KALRN: variants seen among roughly 807,000 people sequenced by gnomAD.
KALRN encodes the protein kalirin RhoGEF kinase.
KALRN carries 70 observed loss-of-function variants against 353.7 expected under a neutral mutation model. The observed-to-expected ratio is 0.20, with a 90% CI of 0.16 to 0.24. The LOEUF is 0.24. KALRN is among the 10% of genes least tolerant of loss of function. The probability of loss-of-function intolerance (pLI) is 1.00; values close to 1 mark genes in which losing one functional copy is unlikely to be tolerated. For synonymous variants in KALRN, 1,391 were observed against 1,434.8 expected, an observed-to-expected ratio of 0.97 and a Z score of 0.69; for missense variants, 2,791 against 3,756.7, an observed-to-expected ratio of 0.74 and a Z score of 6.72.
chr3:124,299,726 C>A (rs1187281168), intron 6 of KALRN, among the ~76,000 whole-genome samples: 1 of 152,176 alleles, frequency 6.6e-6, no homozygotes, highest in Non-Finnish European at 1.5e-5. Flanking sequence ...CATAGTAAGT[C>A]ATCAGTAAAT....
At chr3:124,645,543 A>G (rs576568674) in intron 37 of KALRN, among the ~76,000 whole-genome samples, 61 of 152,324 alleles carry the variant, frequency 4.0e-4, no homozygotes, top group Non-Finnish European at 7.5e-4. Flanking sequence ...AGTTTTCTGC[A>G]TATGGCTAGC....
At chr3:124,653,186 G>A (rs1279874942) in intron 38 of KALRN, among the ~76,000 whole-genome samples, 2 of 152,236 alleles carry the variant, frequency 1.3e-5, no homozygotes, top group African/African-American at 4.8e-5. Context: ...GCCAGAGGCT[G>A]AGGGGTGTAG....
Position 124,655,617 on chromosome 3 carries a change from C to G in KALRN, c.5812C>G (p.Leu1938Val). The change falls in exon 39 of 60, where the codon CTG becomes GTG. Residue 1938 changes from leucine (L) to valine (V), a missense_variant. By Grantham distance (32) the Leu-to-Val change is conservative. Transcript: ENST00000682506. ...LRGRMFVLNE[L>V]VQTEKDYVKD... Reference sequence around the variant, plus strand: ...CCTGCTCAGGTTTGTCCTGAATGAGCTGGTACAGACAGAGAAAGACTATGT... The same window carrying G: ...CCTGCTCAGGTTTGTCCTGAATGAGGTGGTACAGACAGAGAAAGACTATGT... The G allele has an allele frequency of 2.5e-6, 4 of 1,613,818 alleles. No individual in the cohort carries two copies. The highest frequency in any genetic ancestry group is 3.4e-6 in the Non-Finnish European group (4 of 1,179,712).
chr3:124,173,505 T>A (rs2072193959), intron 1 of KALRN, among the ~76,000 whole-genome samples: 1 of 152,230 alleles, frequency 6.6e-6, no homozygotes, highest in South Asian at 2.1e-4. Flanking sequence ...AGTCAACAAA[T>A]CATTGTATTG....
intron 2 of KALRN, among the ~76,000 whole-genome samples, chr3:124,231,080 C>T (rs2079102767): frequency 6.6e-6 from 1 of 152,158 alleles, no homozygotes; most frequent in African/African-American, 2.4e-5. Flanking sequence ...CTGCTAGCGC[C>T]CAGCCTTGGC....
intron 1 of KALRN, among the ~76,000 whole-genome samples, chr3:124,187,222 A>C (rs888938590): frequency 1.4e-4 from 21 of 152,136 alleles, no homozygotes; most frequent in African/African-American, 5.1e-4. Flanking sequence ...CTGGGATTAC[A>C]GGTGCCCACC....
chr3:124,685,133 T>G (rs980052311), intron 51 of KALRN, among the ~76,000 whole-genome samples: 14 of 152,172 alleles, frequency 9.2e-5, no homozygotes, highest in Non-Finnish European at 1.5e-5. Context: ...AAAGAACCCT[T>G]TGGATGAAAA....
intron 33 of KALRN, among the ~76,000 whole-genome samples, chr3:124,508,993 A>G (rs1212646531): frequency 1.3e-5 from 2 of 152,146 alleles, no homozygotes; most frequent in Non-Finnish European, 2.9e-5. Context: ...ACCTGTGTGT[A>G]CAGTGGGTTG....
intron 56 of KALRN, 105 bp downstream of exon 56, chr3:124,700,138 G>A (rs924266621): frequency 9.2e-6 from 10 of 1,082,196 alleles, no homozygotes; most frequent in Middle Eastern, 3.0e-4. Context: ...CCATGCAAGA[G>A]GCACCTTTTA....
At chr3:124,538,812 G>A (rs1007397447) in intron 33 of KALRN, among the ~76,000 whole-genome samples, 12 of 152,194 alleles carry the variant, frequency 7.9e-5, no homozygotes, top group Non-Finnish European at 1.8e-4. Flanking sequence ...GGAAAGCTGC[G>A]AATTGGAGCA....
chr3:124,086,343 G>A (rs2060819796), intron 1 of KALRN, among the ~76,000 whole-genome samples: 1 of 151,100 alleles, frequency 6.6e-6, no homozygotes, highest in Non-Finnish European at 1.5e-5. Context: ...GTGTGTGTGT[G>A]TGTGTGTGTG....
Position 124,671,873 on chromosome 3 carries a change from C to A in KALRN, c.6917C>A (p.Pro2306His), listed in dbSNP as rs777683651. The change falls in exon 48 of 60, where the codon CCT (proline) becomes CAT (histidine). Residue 2306 changes from proline (P) to histidine (H), a missense_variant. By Grantham distance (77) the Pro-to-His change is moderately conservative (BLOSUM62 -2). Coordinates refer to ENST00000682506, the MANE Select transcript of KALRN (RefSeq NM_001388419.1). ...AGTCCAGGGTTTGAATACCACCAGC[C>A]TGGGGACAAGTTCGAAGCCAGCAAG... ...NGSPGFEYHQPGDKFEASKND... is the reference protein window; with the variant it reads ...NGSPGFEYHQHGDKFEASKND... The A allele has an allele frequency of 7.4e-6, 12 of 1,613,870 alleles. No individual in the cohort carries two copies. The highest frequency in any genetic ancestry group is 1.3e-5 in the African/African-American group (1 of 74,908).
intron 1 of KALRN, among the ~76,000 whole-genome samples, chr3:124,139,697 A>C (rs1428230355): frequency 6.6e-6 from 1 of 152,184 alleles, no homozygotes; most frequent in Non-Finnish European, 1.5e-5. Context: ...AGGAGAGGGC[A>C]CTACACTCAA....
At chr3:124,619,265 T>C (rs1452378460) in intron 34 of KALRN, among the ~76,000 whole-genome samples, 3 of 152,148 alleles carry the variant, frequency 2.0e-5, no homozygotes, top group Non-Finnish European at 4.4e-5. Context: ...CTGAGTAATA[T>C]TTCATTGTCT....
chr3:124,668,250 G>T (rs1382478670), intron 47 of KALRN, among the ~76,000 whole-genome samples: 2 of 152,128 alleles, frequency 1.3e-5, no homozygotes, highest in Non-Finnish European at 2.9e-5. Context: ...CTAGGATCTG[G>T]ACTCTTTCAA....
At chr3:124,521,314 G>A (rs1475532478) in intron 33 of KALRN, among the ~76,000 whole-genome samples, 1 of 152,212 alleles carries the variant, frequency 6.6e-6, no homozygotes, top group Non-Finnish European at 1.5e-5. Flanking sequence ...CAGTAGAGGA[G>A]ACAGATATTA....
intron 27 of KALRN, among the ~76,000 whole-genome samples, chr3:124,482,511 G>T (rs1387268347): frequency 1.3e-5 from 2 of 151,674 alleles, no homozygotes; most frequent in African/African-American, 2.4e-5. Context: ...TTACCTTATT[G>T]CTCTCTTTTC....
intron 38 of KALRN, among the ~76,000 whole-genome samples, chr3:124,652,593 T>G (rs1402506160): frequency 1.3e-5 from 2 of 152,022 alleles, no homozygotes; most frequent in African/African-American, 4.8e-5. Context: ...CTCTTTTTTT[T>G]TGAGATGGAG....
intron 6 of KALRN, among the ~76,000 whole-genome samples, chr3:124,311,064 C>CTTTTTTTTTTTTTTTTTTTTTTTTT (rs71145446): frequency 1.5e-5 from 1 of 67,500 alleles, no homozygotes; most frequent in Non-Finnish European, 2.6e-5. Context: ...GATACTACTT[C>CTTTTTTTTTTTTTTTTTTTTTTTTT]TTTTTTTTTT....
Sources: gnomAD v4.1 joint callset for allele counts (sites outside exome capture counted in the v4.1 genomes callset) on GRCh38, gnomAD v4.1.1 for gene constraint, MANE v1.5 for transcripts, NCBI Gene and HGNC (gene_info 2026-07-23, HGNC 2026-07-21) for gene names.